The following TMEM184B variants were observed in gnomAD, a reference collection of about 807,000 sequenced individuals.
The protein encoded by TMEM184B is transmembrane protein 184B, also known as putative MAPK-activating protein FM08.
A neutral mutation model predicts 41.8 loss-of-function variants in TMEM184B; 17 were observed. That is an observed-to-expected ratio of 0.41 (90% CI 0.28 to 0.61). The LOEUF is 0.61. Ranked by LOEUF, TMEM184B falls within the 20% of genes least tolerant of loss-of-function variation. The pLI, the probability that TMEM184B is intolerant of heterozygous loss-of-function variation, is 0.34. For synonymous variants in TMEM184B, 240 were observed against 229.5 expected (o/e 1.05, Z -0.41); for missense variants, 393 against 557.8 (o/e 0.70, Z 2.98).
rs957765535 is a variant in TMEM184B, at chr22:38,225,982, C to T, written c.618-389G>A. On this transcript the variant is annotated intron_variant, in intron 6 of 8. Coordinates refer to ENST00000361906, the MANE Select transcript of TMEM184B (RefSeq NM_012264.5). This position sits in a 1 kb window ranked among gnomAD's most constrained non-coding sequence, Gnocchi z 4.4. The stretch of plus-strand genomic sequence containing the variant: ...CACTCGGTCGGCTGCATCCCCCTGA[C>T]CTCCTTTTGCCCACCTGCCCTGGCA... 1.1e-4 allele frequency among the ~76,000 whole-genome samples: 16 copies of T among 152,172 alleles called. No individual in the cohort carries two copies. Among genetic ancestry groups the T allele is most frequent in the African/African-American group, 3.6e-4 (15 of 41,418 alleles).
chr22:38,221,287 C>T lies in TMEM184B; in HGVS notation c.*182G>A, dbSNP rs1032688423. The T allele has an allele frequency of 5.6e-6, 8 of 1,431,776 alleles. No individual in the cohort carries two copies. Among genetic ancestry groups the T allele is most frequent in the Non-Finnish European group, 7.3e-6 (8 of 1,097,960 alleles). The allele number at this position is 1,431,776 out of a possible 1,614,324, so 88.7% of individuals were successfully genotyped here. A position where few individuals can be genotyped will look rare whatever the true frequency, so the allele number is the denominator to read the frequency against. On this transcript the variant is annotated 3_prime_UTR_variant, in exon 9 of 9. Transcript: ENST00000361906. ...GGCCATGTATAAATATTCCTGAAGG[C>T]CCATGGGCGAGCCTGGCTGTCCCCC...
intron 5 of TMEM184B, among the ~76,000 whole-genome samples, chr22:38,228,906 G>C (rs1051209720): frequency 1.3e-5 from 2 of 152,254 alleles, no homozygotes; most frequent in Admixed American, 6.5e-5. Context: ...ACAAGGCAGT[G>C]AGTCACAGCT....
At position 38,255,171 on chromosome 22, in the gene TMEM184B, G is replaced by A. The variant is rs150986143; in HGVS notation, c.-58-7152C>T. The stretch of plus-strand genomic sequence containing the variant: ...CTCCTGAGTAGGTGGGATTATAGGC[G>A]CGTGTCACCATGCCCAGCTAATTTT... On this transcript the variant is annotated intron_variant, in intron 1 of 8. Coordinates refer to ENST00000361906, the MANE Select transcript of TMEM184B (RefSeq NM_012264.5). 4.4e-3 allele frequency among the ~76,000 whole-genome samples: 672 copies of A among 152,298 alleles called. 5 individuals carry two copies. The highest frequency in any genetic ancestry group is 9.7e-3 in the African/African-American group (401 of 41,544).
At chr22:38,240,800 C>T (rs1445010219) in intron 3 of TMEM184B, among the ~76,000 whole-genome samples, 1 of 141,764 alleles carries the variant, frequency 7.1e-6, no homozygotes, top group Middle Eastern at 3.6e-3. Context: ...GGATCAAATA[C>T]AGCAGACTTT....
At chr22:38,216,861 T>C (rs886813279), downstream of TMEM184B, among the ~76,000 whole-genome samples, 4 of 151,656 alleles carry the variant, frequency 2.6e-5, no homozygotes, top group African/African-American at 9.7e-5. Flanking sequence ...CCGGGCAACA[T>C]AGTGACACCC....
intron 1 of TMEM184B, among the ~76,000 whole-genome samples, chr22:38,254,700 G>C (rs1253341967): frequency 1.3e-5 from 2 of 151,874 alleles, no homozygotes; most frequent in Non-Finnish European, 2.9e-5. Flanking sequence ...CCCATACCTG[G>C]GTACCAAAAA....
intron 3 of TMEM184B, among the ~76,000 whole-genome samples, chr22:38,235,584 G>C (rs1017924549): frequency 2.6e-5 from 4 of 152,212 alleles, no homozygotes; most frequent in African/African-American, 9.7e-5. Flanking sequence ...TTTGCTGACA[G>C]TTCCCTTTAA....
At chr22:38,229,698 G>A in intron 5 of TMEM184B, among the ~76,000 whole-genome samples, 1 of 95,144 alleles carries the variant, frequency 1.1e-5, no homozygotes, top group Admixed American at 9.4e-5. Context: ...TAGACCACAG[G>A]GAGGCCAGCC....
chr22:38,263,552 C>T (rs73409224), intron 1 of TMEM184B, among the ~76,000 whole-genome samples: 2,511 of 152,170 alleles, frequency 0.017, 57 homozygotes, highest in African/African-American at 0.055. Flanking sequence ...GTTCATTGGC[C>T]CCTGCGAATG....
At chr22:38,247,208 C>G (rs1247250174) in intron 2 of TMEM184B, among the ~76,000 whole-genome samples, 2 of 152,252 alleles carry the variant, frequency 1.3e-5, no homozygotes, top group African/African-American at 4.8e-5. Flanking sequence ...ATTTTCTCAT[C>G]TGCAAAGCGG....
chr22:38,232,025 T>A (rs1435805554), intron 3 of TMEM184B: 2 of 157,038 alleles, frequency 1.3e-5, no homozygotes, highest in Non-Finnish European at 2.8e-5. Flanking sequence ...TAAATATTTG[T>A]CTTACATACT....
At chr22:38,233,902 T>C (rs2145615447) in intron 3 of TMEM184B, among the ~76,000 whole-genome samples, 1 of 152,236 alleles carries the variant, frequency 6.6e-6, no homozygotes. Context: ...CTGGAGTAAC[T>C]GGGATTACAG....
intron 1 of TMEM184B, among the ~76,000 whole-genome samples, chr22:38,269,595 G>C (rs2092491869): frequency 6.6e-6 from 1 of 152,180 alleles, no homozygotes; most frequent in Non-Finnish European, 1.5e-5. Flanking sequence ...GCTTTAGAAG[G>C]CCAAGGTGGA....
At chr22:38,257,995 C>T (rs2092310505) in intron 1 of TMEM184B, among the ~76,000 whole-genome samples, 1 of 152,140 alleles carries the variant, frequency 6.6e-6, no homozygotes, top group African/African-American at 2.4e-5. Context: ...AGACAGAAAA[C>T]AAATTCAAGG....
chr22:38,243,814 C>T (rs1490782738), intron 3 of TMEM184B, among the ~76,000 whole-genome samples: 3 of 152,178 alleles, frequency 2.0e-5, no homozygotes, highest in Non-Finnish European at 4.4e-5. Context: ...GTAGGCATCT[C>T]CCATGGGCCC....
intron 3 of TMEM184B, among the ~76,000 whole-genome samples, chr22:38,236,533 G>C (rs1163895514): frequency 6.6e-6 from 1 of 151,892 alleles, no homozygotes; most frequent in Non-Finnish European, 1.5e-5. Context: ...GCCCAGGCTG[G>C]AGCACACAGA....
intron 4 of TMEM184B, 115 bp downstream of exon 4, chr22:38,231,129 C>T (rs2091605944): frequency 2.2e-6 from 2 of 899,022 alleles, no homozygotes; most frequent in South Asian, 2.6e-5. Flanking sequence ...TGAGGCACAG[C>T]AGGTCAAGGT....
chr22:38,223,340 A>C (rs976396581), intron 8 of TMEM184B: 1 of 152,320 alleles, frequency 6.6e-6, no homozygotes, highest in Admixed American at 6.5e-5. Flanking sequence ...CCCCAGGCCC[A>C]AGGATGATGT....
chr22:38,248,727 C>G (rs1484174765), intron 1 of TMEM184B, among the ~76,000 whole-genome samples: 2 of 152,200 alleles, frequency 1.3e-5, no homozygotes, highest in East Asian at 1.9e-4. Context: ...TGGGACTATA[C>G]AGGCAGCACT....
Sources: allele counts gnomAD v4.1 joint callset (sites outside exome capture counted in the v4.1 genomes callset), GRCh38; gene constraint gnomAD v4.1.1; non-coding constraint Gnocchi (gnomAD v3.1); transcripts MANE v1.5; gene names NCBI Gene and HGNC (gene_info 2026-07-23, HGNC 2026-07-21).